DDHD1: variants seen among roughly 807,000 people sequenced by gnomAD.
DDHD1 encodes phospholipase DDHD1.
DDHD1 carries 49 observed loss-of-function variants against 96.4 expected under a neutral mutation model. That is an observed-to-expected ratio of 0.51 (90% confidence interval 0.40 to 0.64). The LOEUF is 0.64. DDHD1 is among the 30% of genes least tolerant of loss of function. The pLI is 0.00. For synonymous variants in DDHD1, 442 were observed against 446.5 expected, an observed-to-expected ratio of 0.99 and a Z score of 0.13; for missense variants, 1,106 against 1,161.2, an observed-to-expected ratio of 0.95 and a Z score of 0.69.
chr14:53,137,953 T>C (rs972303652), intron 1 of DDHD1, among the ~76,000 whole-genome samples: 1 of 152,154 alleles, frequency 6.6e-6, no homozygotes, highest in African/African-American at 2.4e-5. Flanking sequence ...ATAAAAACGA[T>C]AGCAAACTTC....
chr14:53,053,175 AT>A (rs1882754566), intron 11 of DDHD1: 1 of 152,048 alleles, frequency 6.6e-6, no homozygotes, highest in Non-Finnish European at 1.5e-5. Context: ...ACCTTACAAA[AT>A]TCTTTGAAAT....
In DDHD1 at chr14:53,068,873, T is replaced by C. The variant is rs147274865; in HGVS notation, c.1503+3724A>G. On this transcript the variant is annotated intron_variant, in intron 6 of 12. Coordinates refer to ENST00000673822, the MANE Select transcript of DDHD1 (RefSeq NM_001160148.2). ...CAATTTAGTATCCATCGATGATTTGTGTCCAGTCTTCTCTTACCTAATCCT... is the reference window on the plus strand; with the variant it reads ...CAATTTAGTATCCATCGATGATTTGCGTCCAGTCTTCTCTTACCTAATCCT... Among the ~76,000 whole-genome samples the C allele has an allele frequency of 3.9e-4, 59 of 152,350 alleles. No individual in the cohort carries two copies. The East Asian group carries it at 0.01, about 27-fold the overall frequency.
intron 4 of DDHD1, among the ~76,000 whole-genome samples, chr14:53,077,117 C>G (rs1344630437): frequency 6.6e-6 from 1 of 152,134 alleles, no homozygotes; most frequent in Non-Finnish European, 1.5e-5. Flanking sequence ...TGTTGTTTAA[C>G]ATGTTCTTTG....
chr14:53,087,366 C>T (rs1236466730), intron 4 of DDHD1, among the ~76,000 whole-genome samples: 1 of 152,176 alleles, frequency 6.6e-6, no homozygotes, highest in African/African-American at 2.4e-5. Context: ...ACATTCTTCT[C>T]AGCATCACAT....
At chr14:53,140,046 AAGAT>A (rs1343373105) in intron 1 of DDHD1, among the ~76,000 whole-genome samples, 3 of 152,284 alleles carry the variant, frequency 2.0e-5, no homozygotes, top group African/African-American at 7.2e-5. Context: ...GAAAAATGGT[AAGAT>A]AGATAAAGAA....
intron 1 of DDHD1, among the ~76,000 whole-genome samples, chr14:53,145,496 T>C (rs1240475400): frequency 7.4e-6 from 1 of 134,710 alleles, no homozygotes; most frequent in Non-Finnish European, 1.5e-5. Flanking sequence ...GAACAAAACC[T>C]TGTCTCAAAA....
chr14:53,105,842 C>A (rs1039652256), intron 1 of DDHD1, among the ~76,000 whole-genome samples: 1 of 151,844 alleles, frequency 6.6e-6, no homozygotes, highest in African/African-American at 2.4e-5. Context: ...GTTATTCATA[C>A]GTATTCTTTT....
chr14:53,058,728 T>C (rs1353875968), intron 8 of DDHD1, 102 bp from the exon 9 acceptor site: 3 of 1,012,326 alleles, frequency 3.0e-6, no homozygotes, highest in Non-Finnish European at 4.3e-6. Context: ...AATAATAAAA[T>C]ATCTTTGAGT....
At chr14:53,146,763 G>A (rs570714819) in intron 1 of DDHD1, among the ~76,000 whole-genome samples, 30 of 151,938 alleles carry the variant, frequency 2.0e-4, no homozygotes, top group African/African-American at 7.0e-4. Context: ...ACTTGTTATG[G>A]GTACGATTTT....
chr14:53,141,189 G>A (rs1890615362), intron 1 of DDHD1, among the ~76,000 whole-genome samples: 1 of 152,142 alleles, frequency 6.6e-6, no homozygotes, highest in African/African-American at 2.4e-5. Context: ...TAAATTAGAA[G>A]GACAGAGTGG....
At position 53,090,438 on chromosome 14, in the gene DDHD1, G is replaced by A. The variant is rs145214198; in HGVS notation, c.1289+1347C>T. Among the ~76,000 whole-genome samples the A allele has an allele frequency of 8.6e-3, 1,311 of 152,128 alleles. 8 individuals carry two copies. Among genetic ancestry groups the A allele is most frequent in the Non-Finnish European group, 0.014 (972 of 68,008 alleles). ...ACATATGCACACGTATGTTTATTGC[G>A]GCACTATTCACAATAGCAAAGACTT... On this transcript the variant is annotated intron_variant, in intron 4 of 12. Coordinates refer to ENST00000673822, the MANE Select transcript of DDHD1 (RefSeq NM_001160148.2).
chr14:53,088,678 A>G (rs867437782), intron 4 of DDHD1, among the ~76,000 whole-genome samples: 1 of 151,170 alleles, frequency 6.6e-6, no homozygotes, highest in South Asian at 2.1e-4. Context: ...TCTCAAAATA[A>G]TAAGAGCTAT....
chr14:53,085,245 T>C (rs759223544), intron 4 of DDHD1, among the ~76,000 whole-genome samples: 2 of 152,164 alleles, frequency 1.3e-5, no homozygotes, highest in Non-Finnish European at 2.9e-5. Flanking sequence ...TAAACATCCC[T>C]GTCTGACAGC....
intron 4 of DDHD1, among the ~76,000 whole-genome samples, chr14:53,090,534 T>C (rs1008258142): frequency 6.6e-6 from 1 of 152,134 alleles, no homozygotes; most frequent in South Asian, 2.1e-4. Flanking sequence ...CCATGGAATA[T>C]GACACAGCCA....
intron 4 of DDHD1, among the ~76,000 whole-genome samples, chr14:53,078,491 T>C (rs1401173897): frequency 3.9e-5 from 6 of 152,152 alleles, no homozygotes; most frequent in African/African-American, 1.2e-4. Context: ...TTAAAAACTG[T>C]TGAGTTGTAA....
intron 9 of DDHD1, among the ~76,000 whole-genome samples, chr14:53,056,771 A>T (rs1305803518): frequency 2.0e-5 from 3 of 152,104 alleles, no homozygotes; most frequent in Non-Finnish European, 2.9e-5. Flanking sequence ...CAAAGTATTA[A>T]TTTTTTTAAA....
chr14:53,138,694 T>C (rs1055599121), intron 1 of DDHD1, among the ~76,000 whole-genome samples: 2 of 152,128 alleles, frequency 1.3e-5, no homozygotes, highest in Admixed American at 1.3e-4. Flanking sequence ...TCAGATGCCA[T>C]ACAAGCCAGT....
intron 2 of DDHD1, among the ~76,000 whole-genome samples, chr14:53,095,397 A>G (rs537331307): frequency 1.2e-4 from 19 of 152,306 alleles, no homozygotes; most frequent in African/African-American, 4.3e-4. Context: ...ATATAAAAAG[A>G]TATAGCTCTG....
intron 1 of DDHD1, among the ~76,000 whole-genome samples, chr14:53,116,291 C>T (rs1236674819): frequency 6.6e-6 from 1 of 152,098 alleles, no homozygotes; most frequent in Non-Finnish European, 1.5e-5. Context: ...ACTTTAACTA[C>T]CACTGTCAAT....
Sources: allele counts gnomAD v4.1 joint callset (sites outside exome capture counted in the v4.1 genomes callset), GRCh38; gene constraint gnomAD v4.1.1; transcripts MANE v1.5; gene names NCBI Gene and HGNC (gene_info 2026-07-23, HGNC 2026-07-21).